Variants in NTRK2 observed in about 807,000 individuals in gnomAD.
The protein encoded by NTRK2 is neurotrophic receptor tyrosine kinase 2.
A neutral mutation model predicts 94.5 loss-of-function variants in NTRK2; 13 were observed. The ratio of observed to expected loss-of-function variants is 0.14; its 90% CI spans 0.09 to 0.22. NTRK2 has a LOEUF of 0.22. Ranked by LOEUF, NTRK2 falls within the 10% of genes least tolerant of loss-of-function variation. The pLI is 1.00. For synonymous variants in NTRK2, 372 were observed against 407.4 expected, an observed-to-expected ratio of 0.91 and a Z score of 1.05; for missense variants, 639 against 1,071.2, an observed-to-expected ratio of 0.60 and a Z score of 5.63.
chr9:84,745,085 A>T lies in NTRK2; in HGVS notation c.1296+12A>T, dbSNP rs2063949286. 1 of 1,594,858 alleles carries T rather than the reference A, an allele frequency of 6.3e-7. No individual in the cohort carries two copies. On this transcript the variant is annotated intron_variant, in intron 11 of 18. Transcript: ENST00000277120. ...GGGAACATCTCTCGGTGAGTGGAAT[A>T]AATAGGTGTCTGAATTGGTTCTGAG...
At chr9:84,907,482 A>G (rs959572847) in intron 14 of NTRK2, among the ~76,000 whole-genome samples, 1 of 152,218 alleles carries the variant, frequency 6.6e-6, no homozygotes, top group African/African-American at 2.4e-5. Flanking sequence ...GTTCTCTCTG[A>G]GTTCATTTAC....
At chr9:84,671,335 T>G (rs1453960862) in intron 2 of NTRK2, among the ~76,000 whole-genome samples, 2 of 152,226 alleles carry the variant, frequency 1.3e-5, no homozygotes, top group African/African-American at 4.8e-5. Flanking sequence ...TATGTTGTGT[T>G]AGAAGTTCCA....
intron 14 of NTRK2, among the ~76,000 whole-genome samples, chr9:84,901,545 C>A (rs749724819): frequency 1.9e-4 from 29 of 152,026 alleles, no homozygotes; most frequent in Non-Finnish European, 4.0e-4. Flanking sequence ...ATTTTTAAGA[C>A]GTAAACAGTG....
chr9:84,802,285 A>G (rs189471941), intron 12 of NTRK2, among the ~76,000 whole-genome samples: 117 of 151,794 alleles, frequency 7.7e-4, no homozygotes, highest in Middle Eastern at 3.4e-3. Flanking sequence ...TAAAAAGAAA[A>G]ATAAACTGCG....
At chr9:84,956,784 A>G (rs1824189370) in intron 17 of NTRK2, among the ~76,000 whole-genome samples, 1 of 151,548 alleles carries the variant, frequency 6.6e-6, no homozygotes, top group South Asian at 2.1e-4. Context: ...GAACTTTGCT[A>G]TAATTAGTGT....
chr9:84,736,533 C>G (rs2063273888), intron 9 of NTRK2, among the ~76,000 whole-genome samples: 1 of 152,164 alleles, frequency 6.6e-6, no homozygotes, highest in South Asian at 2.1e-4. Flanking sequence ...TGGCTTTATA[C>G]TATTTGTTCC....
chr9:84,987,947 T>C (rs1345601469), intron 17 of NTRK2, among the ~76,000 whole-genome samples: 5 of 152,260 alleles, frequency 3.3e-5, no homozygotes, highest in African/African-American at 1.2e-4. Flanking sequence ...AGTTACTTCC[T>C]TAAAATCTTT....
Position 85,021,706 on chromosome 9 carries a change from T to C in NTRK2, c.*269T>C. ...CTTTTTTTAAATTTTCTTTTTCTTTTTTTTTTCGTCTTCCCTGCTTCACGA... is the reference window on the plus strand; with the variant it reads ...CTTTTTTTAAATTTTCTTTTTCTTTCTTTTTTCGTCTTCCCTGCTTCACGA... On this transcript the variant is annotated 3_prime_UTR_variant, in exon 19 of 19. Transcript: ENST00000277120. 1 of 494,656 alleles carries C rather than the reference T, an allele frequency of 2.0e-6. No individual in the cohort carries two copies. The highest frequency in any genetic ancestry group is 3.5e-5 in the Admixed American group (1 of 28,726). The allele number at this position is 494,656 out of a possible 1,614,324, so 30.6% of individuals were successfully genotyped here. A position where few individuals can be genotyped will look rare whatever the true frequency, so the allele number is the denominator to read the frequency against.
At chr9:84,981,532 T>C (rs929911635) in intron 17 of NTRK2, among the ~76,000 whole-genome samples, 1 of 152,258 alleles carries the variant, frequency 6.6e-6, no homozygotes, top group Non-Finnish European at 1.5e-5. Flanking sequence ...TTCTAATCTT[T>C]TTTTAATTTT....
intron 9 of NTRK2, among the ~76,000 whole-genome samples, chr9:84,731,796 G>A (rs1016397447): frequency 6.6e-6 from 1 of 152,042 alleles, no homozygotes; most frequent in African/African-American, 2.4e-5. Context: ...AAAAGAGAGC[G>A]GCCCAGCAAA....
chr9:85,025,864 G>T lies in NTRK2; in HGVS notation c.*4427G>T. The T allele has an allele frequency of 4.3e-6, 1 of 230,618 alleles. No homozygotes were observed. The highest frequency in any genetic ancestry group is 8.6e-6 in the Non-Finnish European group (1 of 116,520). The allele number at this position is 230,618 out of a possible 1,614,324, so 14.3% of individuals were successfully genotyped here. On this transcript the variant is annotated 3_prime_UTR_variant, in exon 19 of 19. Transcript: ENST00000277120. ...ATAATTGGAATGTGGAGCCTCTGAG[G>T]TTGTGATAGCTTGTACATGAATTTC...
intron 2 of NTRK2, among the ~76,000 whole-genome samples, chr9:84,689,240 C>G (rs2059899798): frequency 6.6e-6 from 1 of 152,260 alleles, no homozygotes; most frequent in Non-Finnish European, 1.5e-5. Flanking sequence ...GCTAAGAGGA[C>G]AGATGTAAAT....
At chr9:84,879,687 A>C (rs1041028675) in intron 14 of NTRK2, among the ~76,000 whole-genome samples, 1 of 152,192 alleles carries the variant, frequency 6.6e-6, no homozygotes, top group Non-Finnish European at 1.5e-5. Flanking sequence ...GATGTCCTGG[A>C]AGTGAGGACT....
intron 12 of NTRK2, among the ~76,000 whole-genome samples, chr9:84,822,255 C>T (rs947497020): frequency 1.1e-4 from 16 of 152,172 alleles, no homozygotes; most frequent in Non-Finnish European, 1.6e-4. Flanking sequence ...CCTTGACACT[C>T]CTCCCCCACT....
At chr9:84,780,177 G>A (rs561615758) in intron 12 of NTRK2, among the ~76,000 whole-genome samples, 1 of 152,120 alleles carries the variant, frequency 6.6e-6, no homozygotes, top group African/African-American at 2.4e-5. Flanking sequence ...CCTTAAAACA[G>A]TTGTCATACT....
chr9:84,755,602 G>A (rs190805071), intron 12 of NTRK2, among the ~76,000 whole-genome samples: 6 of 138,582 alleles, frequency 4.3e-5, no homozygotes, highest in East Asian at 2.2e-4. Context: ...AGTTTGTCCC[G>A]GTTTTGTCTC....
chr9:84,924,027 A>G (rs1476704573), intron 14 of NTRK2, among the ~76,000 whole-genome samples: 2 of 152,144 alleles, frequency 1.3e-5, no homozygotes, highest in African/African-American at 4.8e-5. Flanking sequence ...TACCAGGGAT[A>G]AAACAGACAC....
intron 14 of NTRK2, chr9:84,874,138 C>T (rs200329018): frequency 9.4e-7 from 1 of 1,065,014 alleles, no homozygotes; most frequent in Non-Finnish European, 1.1e-6. Context: ...GCTACGCCCC[C>T]ATTTTGGTTT....
intron 14 of NTRK2, chr9:84,874,417 C>G: frequency 9.4e-7 from 1 of 1,065,602 alleles, no homozygotes; most frequent in Non-Finnish European, 1.1e-6. Context: ...ATTCTGCCAG[C>G]CTGTGAGAGT....
Sources: gnomAD v4.1 joint callset for allele counts (sites outside exome capture counted in the v4.1 genomes callset) on GRCh38, gnomAD v4.1.1 for gene constraint, MANE v1.5 for transcripts, NCBI Gene and HGNC (gene_info 2026-07-23, HGNC 2026-07-21) for gene names.